Variants in GLI1 observed in about 807,000 individuals in gnomAD.
GLI1 encodes GLI family zinc finger 1, also known as transcription activator GLI1.
A neutral mutation model predicts 87.8 loss-of-function variants in GLI1; 51 were observed. That is an observed-to-expected ratio of 0.58 (90% CI 0.46 to 0.73). The LOEUF is 0.73. Ranked by LOEUF, GLI1 falls within the 30% of genes least tolerant of loss-of-function variation. GLI1 has a pLI of 0.00. For synonymous variants in GLI1, 528 were observed against 558.2 expected (o/e 0.95, Z 0.76); for missense variants, 1,292 against 1,437.2 (o/e 0.90, Z 1.63).
At chr12:57,465,288 T>G in intron 5 of GLI1, 33 bp downstream of exon 5, 1 of 1,209,524 alleles carries the variant, frequency 8.3e-7, no homozygotes, top group Non-Finnish European at 1.2e-6. Flanking sequence ...CTGATTTCCC[T>G]CAGCTCAGGG....
In GLI1 at chr12:57,465,691, A is replaced by C; in HGVS notation, c.619A>C (p.Ile207Leu). 4 of 1,613,950 alleles carry C rather than the reference A, an allele frequency of 2.5e-6. No individual in the cohort carries two copies. The highest frequency in any genetic ancestry group is 3.4e-6 in the Non-Finnish European group (4 of 1,179,768). ...GDMSSPNSTG[I>L]QDPLLGMLDG... Reference sequence around the variant, plus strand: ...TATGTCCAGCCCCAACTCCACAGGCATACAGGTAAGGGGATGGGCAGGAGC... The same window carrying C: ...TATGTCCAGCCCCAACTCCACAGGCCTACAGGTAAGGGGATGGGCAGGAGC... Residue 207 changes from isoleucine to leucine, a missense_variant, in exon 6 of 12, where the codon ATA becomes CTA. By Grantham distance (5) the Ile-to-Leu change is conservative. This residue lies in a region of GLI1 where 383 missense variants were observed against 368.4 expected (regional missense o/e 1.04). Coordinates refer to ENST00000228682, the MANE Select transcript of GLI1 (RefSeq NM_005269.3).
rs747836770 is a variant in GLI1 at position 57,470,353 on chromosome 12, C to T, written c.1613C>T (p.Ser538Phe). 43 of 1,601,188 alleles carry T rather than the reference C, an allele frequency of 2.7e-5. No homozygotes were observed. Among genetic ancestry groups the T allele is most frequent in the Admixed American group, 1.9e-4 (11 of 59,056 alleles). The change falls in exon 12 of 12, where the codon TCT becomes TTT. Residue 538 changes from serine (S) to phenylalanine (F), a missense_variant. Ser to Phe is a radical substitution (Grantham distance 155, BLOSUM62 -2). Transcript: ENST00000228682. ...TVSRRVGPPVSLERRSSSSSS... is the reference protein window; with the variant it reads ...TVSRRVGPPVFLERRSSSSSS... ...TCCCGCCGCGTGGGCCCCCCAGTCTCTCTTGAACGCCGCAGCAGCAGCTCC... is the reference window on the plus strand; with the variant it reads ...TCCCGCCGCGTGGGCCCCCCAGTCTTTCTTGAACGCCGCAGCAGCAGCTCC...
Position 57,465,708 on chromosome 12 carries a change from G to A in GLI1, c.624+12G>A, listed in dbSNP as rs192088076. 9.3e-6 allele frequency: 15 copies of A among 1,613,828 alleles called. No homozygotes were observed. The Admixed American group carries it at 1.8e-4, about 20-fold the overall frequency. On this transcript the variant is annotated intron_variant, in intron 6 of 11. Coordinates refer to ENST00000228682, the MANE Select transcript of GLI1 (RefSeq NM_005269.3). The stretch of plus-strand genomic sequence containing the variant: ...CCACAGGCATACAGGTAAGGGGATG[G>A]GCAGGAGCTTTACCTCTGGGACCTG...
chr12:57,469,384 G>C, intron 10 of GLI1, 47 bp from the exon 11 acceptor site: 1 of 1,588,660 alleles, frequency 6.3e-7, no homozygotes, highest in Non-Finnish European at 8.6e-7. Flanking sequence ...TCAAGTTGAA[G>C]GAGCTGTGGG....
intron 2 of GLI1, 31 bp from the exon 3 acceptor site, chr12:57,463,968 C>T: frequency 6.7e-7 from 1 of 1,495,372 alleles, no homozygotes; most frequent in Non-Finnish European, 9.3e-7. Context: ...ATGTATCCTC[C>T]ATTCCCATTC....
rs754128019 is a variant in GLI1 at position 57,467,333 on chromosome 12, T to C, written c.913T>C (p.Phe305Leu). The C allele has an allele frequency of 1.9e-6, 3 of 1,603,052 alleles. No homozygotes were observed. The African/African-American group carries it at 4.0e-5, about 21-fold the overall frequency. The change falls in exon 9 of 12, where the codon TTT becomes CTT. Residue 305 changes from phenylalanine to leucine, a missense_variant and splice_region_variant. By Grantham distance (22) the Phe-to-Leu change is conservative (BLOSUM62 0). Around this residue, in one of 3 missense-constraint regions of GLI1, gnomAD observed 897 missense variants for 1,040.7 expected, o/e 0.86. Transcript: ENST00000228682. ...CCTTTGACCCCTGCATGTCCCCCAG[T>C]TTGAAGGGTGCCGGAAGTCATACTC... The part of the protein sequence containing the change: ...HTGEKPHKCT[F>L]EGCRKSYSRL...
At chr12:57,462,779 A>T (rs763093249) in intron 1 of GLI1, among the ~76,000 whole-genome samples, 2 of 152,174 alleles carry the variant, frequency 1.3e-5, no homozygotes, top group South Asian at 2.1e-4. Flanking sequence ...AAGAGGGCAG[A>T]TGGCTTGTGC....
At chr12:57,461,581 C>T (rs909884940) in intron 1 of GLI1, among the ~76,000 whole-genome samples, 9 of 152,370 alleles carry the variant, frequency 5.9e-5, no homozygotes, top group Admixed American at 1.3e-4. Flanking sequence ...CCAGTAGTGC[C>T]CCCCTGGGCG....
intron 1 of GLI1, chr12:57,460,442 G>A (rs1047428194): frequency 4.6e-5 from 7 of 152,422 alleles, no homozygotes; most frequent in Admixed American, 4.6e-4. Context: ...GGAACCGTGG[G>A]TCTTTGTCTC....
Position 57,470,645 on chromosome 12 carries a change from C to T in GLI1, c.1905C>T (p.Val635=). The T allele has an allele frequency of 6.2e-7, 1 of 1,613,744 alleles. No homozygotes were observed. The highest frequency in any genetic ancestry group is 8.5e-7 in the Non-Finnish European group (1 of 1,179,852). ...CAGGATACAACCCCAATGCAGGGGT[C>T]ACCCGGAGGGCCAGTGACCCAGCCC... is the stretch of plus-strand genomic sequence containing the variant. ...EYPGYNPNAG[V]TRRASDPAQA... Residue 635 remains valine, a synonymous_variant, in exon 12 of 12, where the codon GTC becomes GTT. Coordinates refer to ENST00000228682, the MANE Select transcript of GLI1 (RefSeq NM_005269.3).
rs994162007 is a variant in GLI1 at position 57,465,407 on chromosome 12, G to A, written c.534+152G>A. On this transcript the variant is annotated intron_variant, in intron 5 of 11. Coordinates refer to ENST00000228682, the MANE Select transcript of GLI1 (RefSeq NM_005269.3). Reference sequence around the variant, plus strand: ...TGGGTGCTGGGGTTCACTCCTTGCAGTTGAGTCAGACGCTTCCAAATGGGA... The same window carrying A: ...TGGGTGCTGGGGTTCACTCCTTGCAATTGAGTCAGACGCTTCCAAATGGGA... The A allele has an allele frequency of 5.4e-5, 42 of 772,724 alleles. No homozygotes were observed. In the African/African-American group the frequency reaches 6.8e-4, roughly 13 times the overall value. The allele number at this position is 772,724 out of a possible 1,614,324, so 47.9% of individuals were successfully genotyped here.
In GLI1 at chr12:57,470,625, T is replaced by C. The variant is rs747001298; in HGVS notation, c.1885T>C (p.Tyr629His). The C allele has an allele frequency of 3.7e-6, 6 of 1,613,862 alleles. No homozygotes were observed. The highest frequency in any genetic ancestry group is 4.2e-6 in the Non-Finnish European group (5 of 1,180,030). ...GAGAAGCCGAGCCGAGTATCCAGGA[T>C]ACAACCCCAATGCAGGGGTCACCCG... ...PWRSRAEYPG[Y>H]NPNAGVTRRA... is the part of the protein sequence containing the mutation. The change falls in exon 12 of 12, where the codon TAC (tyrosine) becomes CAC (histidine). Residue 629 changes from tyrosine (Y) to histidine (H), a missense_variant. By Grantham distance (83) the Tyr-to-His change is moderately conservative. Coordinates refer to ENST00000228682, the MANE Select transcript of GLI1 (RefSeq NM_005269.3).
chr12:57,464,680 C>A lies in GLI1; in HGVS notation c.201C>A (p.Leu67=), dbSNP rs1254939801. The A allele has an allele frequency of 3.1e-6, 5 of 1,613,774 alleles. No individual in the cohort carries two copies. Among genetic ancestry groups the A allele is most frequent in the Non-Finnish European group, 4.2e-6 (5 of 1,179,690 alleles). ...CGCTGTCTCCTGCCCCAGGCCCACTCTTTTCTTCTCCCCGGAGTGCAGTCA... is the reference window on the plus strand; with the variant it reads ...CGCTGTCTCCTGCCCCAGGCCCACTATTTTCTTCTCCCCGGAGTGCAGTCA... ...RETNSCTEGP[L]FSSPRSAVKL... is the part of the protein sequence containing the mutation. Residue 67 remains leucine, a synonymous_variant, in exon 4 of 12, where the codon CTC becomes CTA. Coordinates refer to ENST00000228682, the MANE Select transcript of GLI1 (RefSeq NM_005269.3).
chr12:57,467,972 G>T (rs113684735), intron 9 of GLI1, 22 bp from the exon 10 acceptor site: 49 of 1,558,302 alleles, frequency 3.1e-5, no homozygotes, highest in Non-Finnish European at 4.2e-5. Flanking sequence ...TTTGCCTTCT[G>T]TCTCCACTCT....
rs766159479 is a variant in GLI1, at chr12:57,470,365, G to C, written c.1625G>C (p.Arg542Pro). 1 of 1,608,430 alleles carries C rather than the reference G, an allele frequency of 6.2e-7. No individual in the cohort carries two copies. The highest frequency in any genetic ancestry group is 8.5e-7 in the Non-Finnish European group (1 of 1,176,884). ...RVGPPVSLER[R>P]SSSSSSISSA... ...GGCCCCCCAGTCTCTCTTGAACGCC[G>C]CAGCAGCAGCTCCAGCAGCATCAGC... Residue 542 changes from arginine to proline, a missense_variant, in exon 12 of 12, where the codon CGC (arginine) becomes CCC (proline). Coordinates refer to ENST00000228682, the MANE Select transcript of GLI1 (RefSeq NM_005269.3).
intron 11 of GLI1, 84 bp downstream of exon 11, chr12:57,469,782 TG>T: frequency 8.3e-7 from 1 of 1,210,638 alleles, no homozygotes; most frequent in Non-Finnish European, 1.2e-6. Context: ...CCTTGAGGGC[TG>T]TCACACAGCA....
intron 10 of GLI1, among the ~76,000 whole-genome samples, chr12:57,468,624 T>C (rs1871663414): frequency 6.6e-6 from 1 of 151,924 alleles, no homozygotes; most frequent in Non-Finnish European, 1.5e-5. Flanking sequence ...CCATCATGCC[T>C]GGCTAATTTT....
chr12:57,466,448 G>T (rs1871492289), intron 8 of GLI1, 59 bp downstream of exon 8: 1 of 1,395,910 alleles, frequency 7.2e-7, no homozygotes, highest in Non-Finnish European at 9.9e-7. Flanking sequence ...CTCCTTCAAG[G>T]TAGGGCCCAA....
chr12:57,464,594 C>A, intron 3 of GLI1, 79 bp from the exon 4 acceptor site: 2 of 981,706 alleles, frequency 2.0e-6, no homozygotes, highest in Non-Finnish European at 3.1e-6. Context: ...ATTGGTTTTG[C>A]CAAGTCAGGA....
Sources: allele counts gnomAD v4.1 joint callset (sites outside exome capture counted in the v4.1 genomes callset), GRCh38; gene constraint gnomAD v4.1.1; regional missense constraint gnomAD v4.1.1; transcripts MANE v1.5; gene names NCBI Gene and HGNC (gene_info 2026-07-23, HGNC 2026-07-21).